Variants in ENPP7 observed in about 807,000 individuals in gnomAD.
The protein encoded by ENPP7 is ectonucleotide pyrophosphatase/phosphodiesterase family member 7.
ENPP7 carries 39 observed loss-of-function variants against 33.6 expected under a neutral mutation model. That is an observed-to-expected ratio of 1.16 (90% confidence interval 0.90 to 1.52). The LOEUF is 1.52. Among genes scored for constraint, ENPP7 ranks in the 40% most tolerant of loss-of-function variants. The probability of loss-of-function intolerance (pLI) is 0.00; values close to 1 mark genes in which losing one functional copy is unlikely to be tolerated. For synonymous variants in ENPP7, 244 were observed against 274.3 expected, an observed-to-expected ratio of 0.89 and a Z score of 1.09; for missense variants, 594 against 641.0, an observed-to-expected ratio of 0.93 and a Z score of 0.79.
rs1555823846 is a variant in ENPP7, at chr17:79,737,320, G to A, written c.1246+60G>A. 1.4e-6 allele frequency: 2 copies of A among 1,410,768 alleles called. No homozygotes were observed. Among genetic ancestry groups the A allele is most frequent in the East Asian group, 2.5e-5 (1 of 40,102 alleles). 87.4% of individuals were successfully genotyped at this position (1,410,768 alleles called of 1,614,324 possible). ...TGGTGTGTACACGTGTGCACACGAG[G>A]GTGCCTGCATGCCTGTGACCAGGAC... On this transcript the variant is annotated intron_variant, in intron 4 of 5. Coordinates refer to ENST00000328313, the MANE Select transcript of ENPP7 (RefSeq NM_178543.5). This position sits in a 1 kb window ranked among gnomAD's most constrained non-coding sequence, Gnocchi z 5.5.
Position 79,731,197 on chromosome 17 carries a change from G to A in ENPP7, c.58G>A (p.Ala20Thr). 1 of 1,611,850 alleles carries A rather than the reference G, an allele frequency of 6.2e-7. No homozygotes were observed. The highest frequency in any genetic ancestry group is 8.5e-7 in the Non-Finnish European group (1 of 1,179,854). ...VALATLLAPG[A>T]GAPVQSQGSQ... Reference sequence around the variant, plus strand: ...TCTGGCCACGCTCCTGGCTCCCGGGGCCGGAGCACCGGTACAAAGTCAGGG... The same window carrying A: ...TCTGGCCACGCTCCTGGCTCCCGGGACCGGAGCACCGGTACAAAGTCAGGG... Residue 20 changes from alanine to threonine, a missense_variant, in exon 1 of 6, where the codon GCC (alanine) becomes ACC (threonine). Ala to Thr is a moderately conservative substitution (Grantham distance 58). Coordinates refer to ENST00000328313, the MANE Select transcript of ENPP7 (RefSeq NM_178543.5).
Position 79,737,962 on chromosome 17 carries a change from A to G in ENPP7, c.1293A>G (p.Gly431=). The G allele has an allele frequency of 1.2e-6, 2 of 1,613,812 alleles. No individual in the cohort carries two copies. The highest frequency in any genetic ancestry group is 1.7e-6 in the Non-Finnish European group (2 of 1,179,966). ...GAAGGCCTACTCTCCTGCCCAAGGG[A>G]AGATCTGCTCTCCCGCCCAGCAGCA... ...PDGRPTLLPK[G]RSALPPSSRP... Residue 431 remains glycine, a synonymous_variant, in exon 5 of 6, where the codon GGA becomes GGG. Transcript: ENST00000328313. This position sits in a 1 kb window ranked among gnomAD's most constrained non-coding sequence, Gnocchi z 5.5.
chr17:79,735,712 C>T lies in ENPP7; in HGVS notation c.1026+43C>T, dbSNP rs1555823491. 2.6e-6 allele frequency: 4 copies of T among 1,548,564 alleles called. No homozygotes were observed. The highest frequency in any genetic ancestry group is 2.4e-5 in the South Asian group (2 of 81,882). On this transcript the variant is annotated intron_variant, in intron 3 of 5. Transcript: ENST00000328313. The surrounding 1 kb of genome is among the most constrained non-coding windows in gnomAD (Gnocchi z 5.5). The stretch of plus-strand genomic sequence containing the variant: ...GGCACCACCTCCAGGGGCTCCCTCC[C>T]CAGGCTCTGGGTCTTCTTTTTTTTT...
In ENPP7 at chr17:79,735,498, G is replaced by T; in HGVS notation, c.855G>T (p.Met285Ile). 1 of 1,614,078 alleles carries T rather than the reference G, an allele frequency of 6.2e-7. No individual in the cohort carries two copies. Among genetic ancestry groups the T allele is most frequent in the Non-Finnish European group, 8.5e-7 (1 of 1,180,028 alleles). ...FELLDYGPNGMLLPKEGRLEK... is the reference protein window; with the variant it reads ...FELLDYGPNGILLPKEGRLEK... ...TCCTGGACTACGGACCAAACGGGAT[G>T]CTGCTCCCTAAAGAAGGGAGGCTGG... Residue 285 changes from methionine (M) to isoleucine (I), a missense_variant, in exon 3 of 6, where the codon ATG (methionine) becomes ATT (isoleucine). Coordinates refer to ENST00000328313, the MANE Select transcript of ENPP7 (RefSeq NM_178543.5). The surrounding 1 kb of genome is among the most constrained non-coding windows in gnomAD (Gnocchi z 5.5).
Position 79,737,479 on chromosome 17 carries a change from G to A in ENPP7, c.1246+219G>A, listed in dbSNP as rs1303942412. Among the ~76,000 whole-genome samples the A allele has an allele frequency of 2.6e-5, 4 of 152,176 alleles. No homozygotes were observed. Among genetic ancestry groups the A allele is most frequent in the African/African-American group, 9.7e-5 (4 of 41,448 alleles). Reference sequence around the variant, plus strand: ...GCACGAGAGGGCGAGGGGGAGGAGTGGGCAGTCTTGCTCAAGAAGGGGCTG... The same window carrying A: ...GCACGAGAGGGCGAGGGGGAGGAGTAGGCAGTCTTGCTCAAGAAGGGGCTG... On this transcript the variant is annotated intron_variant, in intron 4 of 5. Transcript: ENST00000328313. This position sits in a 1 kb window ranked among gnomAD's most constrained non-coding sequence, Gnocchi z 5.5.
chr17:79,732,663 G>A (rs782222124), intron 1 of ENPP7, among the ~76,000 whole-genome samples: 1 of 152,336 alleles, frequency 6.6e-6, no homozygotes, highest in Non-Finnish European at 1.5e-5. Context: ...TCCCCTGTGT[G>A]TGTGTGTCTG....
chr17:79,732,111 TATATATATAC>T (rs1439352348), intron 1 of ENPP7, among the ~76,000 whole-genome samples: 2 of 69,680 alleles, frequency 2.9e-5, no homozygotes, highest in Admixed American at 1.8e-4. Flanking sequence ...TATATATACA[TATATATATAC>T]ATATATATAT....
intron 1 of ENPP7, 79 bp downstream of exon 1, chr17:79,731,471 T>G: frequency 6.7e-7 from 1 of 1,492,032 alleles, no homozygotes; most frequent in Non-Finnish European, 9.0e-7. Context: ...TCGTGCAGGA[T>G]AAAGGGGAGA....
At position 79,738,326 on chromosome 17, in the gene ENPP7, C is replaced by A. The variant is rs939646444; in HGVS notation, c.*16+264C>A. 1.5e-5 allele frequency: 6 copies of A among 403,606 alleles called. No individual in the cohort carries two copies. The highest frequency in any genetic ancestry group is 7.2e-4 in the Middle Eastern group (1 of 1,386). 25.0% of individuals were successfully genotyped at this position (403,606 alleles called of 1,614,324 possible). On this transcript the variant is annotated intron_variant, in intron 5 of 5. Coordinates refer to ENST00000328313, the MANE Select transcript of ENPP7 (RefSeq NM_178543.5). The surrounding 1 kb of genome is among the most constrained non-coding windows in gnomAD (Gnocchi z 6.2). ...CAGTGGCCAGAATTCCCACCCTCCC[C>A]CAAAAGCCAGAACTCCCTCAGCCTC...
Position 79,731,066 on chromosome 17 carries a change from C to A in ENPP7, c.-74C>A. On this transcript the variant is annotated 5_prime_UTR_variant, in exon 1 of 6. Transcript: ENST00000328313. ...CACGGGATGAGATCAGCCCGGGTGA[C>A]CCTGGGACTTTGTCCTCCTCGGCAG... The A allele has an allele frequency of 6.8e-7, 1 of 1,478,866 alleles. No individual in the cohort carries two copies. Among genetic ancestry groups the A allele is most frequent in the Non-Finnish European group, 9.0e-7 (1 of 1,105,952 alleles). 91.6% of individuals were successfully genotyped at this position (1,478,866 alleles called of 1,614,324 possible).
rs146121368 is a variant in ENPP7 at position 79,735,875 on chromosome 17, C to T, written c.1026+206C>T. On this transcript the variant is annotated intron_variant, in intron 3 of 5. Coordinates refer to ENST00000328313, the MANE Select transcript of ENPP7 (RefSeq NM_178543.5). This position sits in a 1 kb window ranked among gnomAD's most constrained non-coding sequence, Gnocchi z 5.5. ...GAGTAGCTGAGACCACAGGTGCACA[C>T]CACCATGCCTGGCTAATTTTTGTGT... Among the ~76,000 whole-genome samples the T allele has an allele frequency of 3.9e-3, 599 of 152,296 alleles. 4 individuals are homozygous for T. Among genetic ancestry groups the T allele is most frequent in the South Asian group, 0.01 (50 of 4,826 alleles).
In ENPP7 at chr17:79,739,467, A is replaced by G. The variant is rs574814252; in HGVS notation, c.*16+1405A>G. On this transcript the variant is annotated intron_variant, in intron 5 of 5. Transcript: ENST00000328313. This position sits in a 1 kb window ranked among gnomAD's most constrained non-coding sequence, Gnocchi z 4.4. ...TCCAGTGGCGGGGTGGAGAAGCTGC[A>G]ATGTGCACAGATTCCAAATACCTTT... 1 of 152,408 alleles carries G rather than the reference A, an allele frequency of 6.6e-6. No individual in the cohort carries two copies. The highest frequency in any genetic ancestry group is 2.4e-5 in the African/African-American group (1 of 41,588). The allele number at this position is 152,408 out of a possible 1,614,324, so 9.4% of individuals were successfully genotyped here.
chr17:79,734,952 G>C (rs1555823164), intron 2 of ENPP7, 91 bp from the exon 3 acceptor site: 1 of 1,380,026 alleles, frequency 7.2e-7, no homozygotes, highest in African/African-American at 1.4e-5. Flanking sequence ...GAACAGAGAA[G>C]TAGGCACGTG....
At chr17:79,731,676 C>T (rs547449745) in intron 1 of ENPP7, among the ~76,000 whole-genome samples, 89 of 152,326 alleles carry the variant, frequency 5.8e-4, no homozygotes, top group Non-Finnish European at 1.1e-3. Flanking sequence ...TGGCTCCCCT[C>T]CCCTGCCCGC....
At chr17:79,732,157 C>CATATAT (rs1236711786) in intron 1 of ENPP7, among the ~76,000 whole-genome samples, 14 of 73,302 alleles carry the variant, frequency 1.9e-4, no homozygotes, top group African/African-American at 6.7e-4. Flanking sequence ...TATACACACA[C>CATATAT]ATATATATAT....
chr17:79,738,027 TTC>T lies in ENPP7; in HGVS notation c.1360_1361del (p.Leu454ValfsTer2). 1 of 1,612,510 alleles carries T rather than the reference TTC, an allele frequency of 6.2e-7. No homozygotes were observed. Among genetic ancestry groups the T allele is most frequent in the Non-Finnish European group, 8.5e-7 (1 of 1,180,002 alleles). ...ATGGGACTGCTGGGGACCGTGATTC[TTC>T]TGTCTGAGGTCGCATAACGCCCCAT... On this transcript the variant is annotated frameshift_variant, in exon 5 of 6. Coordinates refer to ENST00000328313, the MANE Select transcript of ENPP7 (RefSeq NM_178543.5). LOFTEE classifies it high-confidence loss of function. This position sits in a 1 kb window ranked among gnomAD's most constrained non-coding sequence, Gnocchi z 6.2.
chr17:79,736,060 T>C (rs77246697), intron 3 of ENPP7, among the ~76,000 whole-genome samples: 2 of 152,148 alleles, frequency 1.3e-5, no homozygotes, highest in South Asian at 2.1e-4. Flanking sequence ...CCTGCCACCA[T>C]GCCTGACTAA....
intron 1 of ENPP7, among the ~76,000 whole-genome samples, chr17:79,732,321 A>G (rs2094288169): frequency 6.6e-6 from 1 of 151,688 alleles, no homozygotes; most frequent in East Asian, 1.9e-4. Flanking sequence ...AAGTACCACA[A>G]AAAAGGTGTT....
chr17:79,733,524 C>T lies in ENPP7; in HGVS notation c.270C>T (p.Asn90=). Residue 90 remains asparagine, a synonymous_variant, in exon 2 of 6, where the codon AAC becomes AAT. Coordinates refer to ENST00000328313, the MANE Select transcript of ENPP7 (RefSeq NM_178543.5). The part of the protein sequence containing the change: ...FTLVTGKYIE[N]HGVVHNMYYN... ...CTCCCTCAGGCAAATATATCGAGAA[C>T]CACGGGGTGGTTCACAACATGTACT... is the stretch of plus-strand genomic sequence containing the variant. 1 of 1,613,288 alleles carries T rather than the reference C, an allele frequency of 6.2e-7. No homozygotes were observed. Among genetic ancestry groups the T allele is most frequent in the Non-Finnish European group, 8.5e-7 (1 of 1,179,914 alleles).
Sources: gnomAD v4.1 joint callset for allele counts (sites outside exome capture counted in the v4.1 genomes callset) on GRCh38, gnomAD v4.1.1 for gene constraint, Gnocchi (gnomAD v3.1) non-coding constraint, MANE v1.5 for transcripts, NCBI Gene and HGNC (gene_info 2026-07-23, HGNC 2026-07-21) for gene names.